STK32B: variants seen among roughly 807,000 people sequenced by gnomAD.
STK32B encodes serine/threonine-protein kinase 32B.
Under a neutral mutation model 52.6 loss-of-function variants are expected in STK32B, and 43 were observed. The observed-to-expected ratio is 0.82, with a 90% CI of 0.64 to 1.05. STK32B has a LOEUF of 1.05. STK32B is among the 50% of genes least tolerant of loss of function. The probability of loss-of-function intolerance (pLI) is 0.00; values close to 1 mark genes in which losing one functional copy is unlikely to be tolerated. For synonymous variants in STK32B, 238 were observed against 204.3 expected, an observed-to-expected ratio of 1.17 and a Z score of -1.41; for missense variants, 621 against 534.6, an observed-to-expected ratio of 1.16 and a Z score of -1.59.
intron 4 of STK32B, among the ~76,000 whole-genome samples, chr4:5,383,966 G>A (rs1410920923): frequency 1.3e-5 from 2 of 152,216 alleles, no homozygotes; most frequent in African/African-American, 4.8e-5. Flanking sequence ...AAATGAAGGA[G>A]GGGAGGTGAT....
intron 3 of STK32B, among the ~76,000 whole-genome samples, chr4:5,194,345 T>C (rs1721475565): frequency 6.6e-6 from 1 of 152,198 alleles, no homozygotes; most frequent in African/African-American, 2.4e-5. Context: ...ACTTAGTATG[T>C]TCAGAAGTTC....
intron 11 of STK32B, among the ~76,000 whole-genome samples, chr4:5,481,141 C>A (rs538570968): frequency 1.3e-5 from 2 of 152,180 alleles, no homozygotes; most frequent in Non-Finnish European, 2.9e-5. Flanking sequence ...AGTTCTAGAT[C>A]CCTGAGGAAT....
intron 1 of STK32B, among the ~76,000 whole-genome samples, chr4:5,079,424 C>T (rs1712274222): frequency 1.3e-5 from 2 of 152,098 alleles, no homozygotes; most frequent in African/African-American, 4.8e-5. Flanking sequence ...GTTCTTGGCT[C>T]ACTGCATCCT....
In STK32B at chr4:5,396,827, A is replaced by G. The variant is rs768920470; in HGVS notation, c.435-1380A>G. Among the ~76,000 whole-genome samples the G allele has an allele frequency of 6.6e-6, 1 of 151,646 alleles. No individual in the cohort carries two copies. Among genetic ancestry groups the G allele is most frequent in the East Asian group, 2.0e-4 (1 of 5,120 alleles). ...CTGGGCAGGGACCAAGCATTTGCTG[A>G]CTTCATCCGCACTTGACTCTAGGTC... On this transcript the variant is annotated intron_variant, in intron 4 of 11. Coordinates refer to ENST00000282908, the MANE Select transcript of STK32B (RefSeq NM_018401.3). This position sits in a 1 kb window ranked among gnomAD's most constrained non-coding sequence, Gnocchi z 4.7.
the STK32B span, among the ~76,000 whole-genome samples, chr4:5,040,806 G>A: frequency 6.6e-6 from 1 of 152,186 alleles, no homozygotes; most frequent in African/African-American, 2.4e-5. Context: ...GTCACCACAT[G>A]CCAAGATGGT....
At chr4:5,425,690 T>G (rs1404066991) in intron 6 of STK32B, among the ~76,000 whole-genome samples, 3 of 152,182 alleles carry the variant, frequency 2.0e-5, no homozygotes, top group Admixed American at 6.5e-5. Flanking sequence ...ATGTACTCTT[T>G]TAGTGTATAG....
intron 4 of STK32B, among the ~76,000 whole-genome samples, chr4:5,341,443 G>A (rs1445396042): frequency 1.3e-5 from 2 of 152,184 alleles, no homozygotes; most frequent in African/African-American, 4.8e-5. Flanking sequence ...TTCACCGAGT[G>A]TCCCTGACCA....
At chr4:5,034,974 G>A in the STK32B span, among the ~76,000 whole-genome samples, 5 of 152,254 alleles carry the variant, frequency 3.3e-5, no homozygotes, top group Admixed American at 6.5e-5. Context: ...GCATTTTCAC[G>A]GTTAGATGTA....
At chr4:5,249,312 T>G (rs775473670) in intron 3 of STK32B, among the ~76,000 whole-genome samples, 1 of 152,178 alleles carries the variant, frequency 6.6e-6, no homozygotes, top group Non-Finnish European at 1.5e-5. Context: ...TTAATTTTAT[T>G]AAGGTCACAC....
chr4:5,461,475 C>T (rs1717019359), intron 9 of STK32B, among the ~76,000 whole-genome samples: 1 of 152,196 alleles, frequency 6.6e-6, no homozygotes, highest in South Asian at 2.1e-4. Context: ...GGCTTCCAGA[C>T]CTTTTTCACA....
chr4:5,161,085 C>CCATTATACCT (rs1718404297), intron 2 of STK32B, among the ~76,000 whole-genome samples: 2 of 152,118 alleles, frequency 1.3e-5, no homozygotes, highest in African/African-American at 4.8e-5. Flanking sequence ...TCTGATTATC[C>CCATTATACCT]CATTATACCT....
chr4:5,056,029 C>T (rs1170785233), intron 1 of STK32B, among the ~76,000 whole-genome samples: 3 of 152,098 alleles, frequency 2.0e-5, no homozygotes, highest in Non-Finnish European at 2.9e-5. Context: ...GGAACTGGGC[C>T]ATCAGCAGGA....
chr4:5,213,249 C>A (rs1407554239), intron 3 of STK32B, among the ~76,000 whole-genome samples: 1 of 152,152 alleles, frequency 6.6e-6, no homozygotes, highest in East Asian at 1.9e-4. Flanking sequence ...ACTCCTGCCA[C>A]CAAGCTGCCA....
At chr4:5,373,045 T>TA (rs1363636289) in intron 4 of STK32B, among the ~76,000 whole-genome samples, 1 of 152,078 alleles carries the variant, frequency 6.6e-6, no homozygotes, top group Non-Finnish European at 1.5e-5. Flanking sequence ...GGGGTCAGCC[T>TA]ATAAAGCCAG....
At chr4:5,315,050 G>A (rs181749470) in intron 3 of STK32B, among the ~76,000 whole-genome samples, 427 of 152,174 alleles carry the variant, frequency 2.8e-3, no homozygotes, top group African/African-American at 8.9e-3. Flanking sequence ...CTACAGAGGA[G>A]AAGAAAATAT....
chr4:5,429,715 C>T (rs775490228), intron 6 of STK32B, among the ~76,000 whole-genome samples: 6 of 151,938 alleles, frequency 3.9e-5, no homozygotes, highest in Non-Finnish European at 8.8e-5. Context: ...TTCATTCTAC[C>T]TGGAGGACTT....
chr4:5,126,528 G>A (rs1309839427), intron 1 of STK32B, among the ~76,000 whole-genome samples: 12 of 152,252 alleles, frequency 7.9e-5, no homozygotes, highest in Admixed American at 5.2e-4. Flanking sequence ...TGCTGCCTGG[G>A]CATCTTCCCA....
intron 2 of STK32B, among the ~76,000 whole-genome samples, chr4:5,163,514 A>G (rs910424227): frequency 8.6e-5 from 13 of 150,622 alleles, no homozygotes; most frequent in South Asian, 2.1e-4. Flanking sequence ...AAGAAATTCT[A>G]AAGAGTTTGA....
the STK32B span, among the ~76,000 whole-genome samples, chr4:5,040,303 T>G: frequency 9.8e-5 from 15 of 152,300 alleles, no homozygotes; most frequent in South Asian, 3.1e-3. Flanking sequence ...CTCCTTCATT[T>G]TTTTCAGTTT....
Sources: allele counts gnomAD v4.1 joint callset (sites outside exome capture counted in the v4.1 genomes callset), GRCh38; gene constraint gnomAD v4.1.1; non-coding constraint Gnocchi (gnomAD v3.1); transcripts MANE v1.5; gene names NCBI Gene and HGNC (gene_info 2026-07-23, HGNC 2026-07-21).